Variants in GRB10 observed in about 807,000 individuals in gnomAD.
GRB10 encodes growth factor receptor bound protein 10, also known as growth factor receptor-bound protein 10.
GRB10 carries 20 observed loss-of-function variants against 80.9 expected under a neutral mutation model. The ratio of observed to expected loss-of-function variants is 0.25; its 90% CI spans 0.17 to 0.36. The LOEUF (loss-of-function observed/expected upper bound fraction) is 0.36. Ranked by LOEUF, GRB10 falls within the 10% of genes least tolerant of loss-of-function variation. The pLI, the probability that GRB10 is intolerant of heterozygous loss-of-function variation, is 1.00. For missense variants in GRB10, 548 were observed against 747.7 expected (o/e 0.73, Z 3.12); for synonymous variants, 291 against 291.5 (o/e 1.00, Z 0.02).
At chr7:50,604,208 G>A in intron 16 of GRB10, 103 bp downstream of exon 16, 1 of 1,279,660 alleles carries the variant, frequency 7.8e-7, no homozygotes. Context: ...CTTGTGTGGT[G>A]CACTCTGGCC....
At chr7:50,705,433 C>T (rs906905641) in intron 4 of GRB10, 6 of 334,998 alleles carry the variant, frequency 1.8e-5, no homozygotes, top group African/African-American at 4.5e-5. Context: ...ATTTTTTAAT[C>T]GCAGATGTAA....
At chr7:50,695,761 A>G (rs1586997258) in intron 5 of GRB10, among the ~76,000 whole-genome samples, 3 of 152,252 alleles carry the variant, frequency 2.0e-5, no homozygotes, top group Admixed American at 2.0e-4. Flanking sequence ...AAGTTCTGTC[A>G]TTGTATTTTT....
chr7:50,695,837 C>T lies in GRB10; in HGVS notation c.139+7984G>A, dbSNP rs1286137017. ...ATTATGAAAAATTGTTACATTTGTTCAAAATTTTTAAATGCACAATATTAC... is the reference window on the plus strand; with the variant it reads ...ATTATGAAAAATTGTTACATTTGTTTAAAATTTTTAAATGCACAATATTAC... On this transcript the variant is annotated intron_variant, in intron 5 of 18. Transcript: ENST00000401949. Among the ~76,000 whole-genome samples, 7 of 151,872 alleles carry T rather than the reference C, an allele frequency of 4.6e-5. No homozygotes were observed. The East Asian group carries it at 1.2e-3, about 25-fold the overall frequency.
intron 9 of GRB10, among the ~76,000 whole-genome samples, chr7:50,618,374 T>C (rs2051029322): frequency 6.6e-6 from 1 of 152,248 alleles, no homozygotes; most frequent in African/African-American, 2.4e-5. Flanking sequence ...CTATGTTTAC[T>C]AAGGGATTCA....
intron 7 of GRB10, among the ~76,000 whole-genome samples, chr7:50,648,211 T>C (rs1019227025): frequency 5.9e-5 from 9 of 151,912 alleles, no homozygotes; most frequent in Admixed American, 1.3e-4. Context: ...AGAAGGAAAG[T>C]CCAGCAAAGA....
chr7:50,605,487 G>T, intron 14 of GRB10, 81 bp from the exon 15 acceptor site: 2 of 1,134,030 alleles, frequency 1.8e-6, no homozygotes, highest in Non-Finnish European at 1.3e-6. Flanking sequence ...TCATCAAGAC[G>T]GTCAGGAAAG....
rs770472170 is a variant in GRB10, at chr7:50,732,263, C to T, written c.51+9G>A. 1.9e-5 allele frequency: 31 copies of T among 1,613,588 alleles called. No homozygotes were observed. Among genetic ancestry groups the T allele is most frequent in the Non-Finnish European group, 2.5e-5 (29 of 1,179,554 alleles). On this transcript the variant is annotated intron_variant, in intron 4 of 18. Transcript: ENST00000401949. Reference sequence around the variant, plus strand: ...CGGGCCAGGATCAGATATATGTGCTCGCCCATACCTGGTAGTACGGATGGT... The same window carrying T: ...CGGGCCAGGATCAGATATATGTGCTTGCCCATACCTGGTAGTACGGATGGT...
chr7:50,596,625 G>A (rs1420900887), intron 17 of GRB10, among the ~76,000 whole-genome samples: 1 of 152,222 alleles, frequency 6.6e-6, no homozygotes, highest in Non-Finnish European at 1.5e-5. Context: ...ATAAGGTACT[G>A]TGGTTATAGA....
chr7:50,702,652 A>G (rs534303253), intron 5 of GRB10, among the ~76,000 whole-genome samples: 1 of 152,314 alleles, frequency 6.6e-6, no homozygotes, highest in South Asian at 2.1e-4. Context: ...TCCAAGACTC[A>G]GTTTCAACTG....
At position 50,651,858 on chromosome 7, in the gene GRB10, G is replaced by A. The variant is rs540703637; in HGVS notation, c.504+17864C>T. Among the ~76,000 whole-genome samples the A allele has an allele frequency of 2.0e-5, 3 of 152,330 alleles. No individual in the cohort carries two copies. In the East Asian group the frequency reaches 5.8e-4, roughly 29 times the overall value. ...ACATCAAAGCCACTCTTTTGAAGAA[G>A]GTAATCTGTCAGCATTGAAAGACCA... On this transcript the variant is annotated intron_variant, in intron 7 of 18. Coordinates refer to ENST00000401949, the MANE Select transcript of GRB10 (RefSeq NM_001350814.2).
At chr7:50,711,145 T>C (rs1381395260) in intron 4 of GRB10, among the ~76,000 whole-genome samples, 1 of 147,218 alleles carries the variant, frequency 6.8e-6, no homozygotes, top group Non-Finnish European at 1.5e-5. Flanking sequence ...ACTTTAAACA[T>C]TACAGGTATG....
chr7:50,665,838 C>T (rs138363834), intron 7 of GRB10, among the ~76,000 whole-genome samples: 133 of 152,284 alleles, frequency 8.7e-4, no homozygotes, highest in Middle Eastern at 3.4e-3. Flanking sequence ...CGTGGATCTC[C>T]GATCAGAAGT....
chr7:50,769,928 T>G (rs2076807392), intron 2 of GRB10, among the ~76,000 whole-genome samples: 1 of 152,228 alleles, frequency 6.6e-6, no homozygotes, highest in African/African-American at 2.4e-5. Context: ...ACCTTCAGTC[T>G]TCCCCCCAGT....
intron 5 of GRB10, among the ~76,000 whole-genome samples, chr7:50,684,332 A>ATTTT (rs11370738): frequency 1.4e-5 from 2 of 142,114 alleles, no homozygotes; most frequent in Admixed American, 7.2e-5. Flanking sequence ...TTCCAGTGAG[A>ATTTT]TTTTTTTTTT....
chr7:50,612,582 T>C (rs2049753175), intron 13 of GRB10, among the ~76,000 whole-genome samples, 159 bp downstream of exon 13: 1 of 152,224 alleles, frequency 6.6e-6, no homozygotes, highest in East Asian at 1.9e-4. Flanking sequence ...TCCTGAGATC[T>C]TGTTTAGAAA....
rs777553621 is a variant in GRB10, at chr7:50,775,161, C to CAAAAAAAAAAAAAAAAAAAAAAA, written c.-217+5465_-217+5466insTTTTTTTTTTTTTTTTTTTTTTT. Among the ~76,000 whole-genome samples, 79 of 30,984 alleles carry CAAAAAAAAAAAAAAAAAAAAAAA rather than the reference C, an allele frequency of 2.5e-3. 15 individuals are homozygous for CAAAAAAAAAAAAAAAAAAAAAAA. Among genetic ancestry groups the CAAAAAAAAAAAAAAAAAAAAAAA allele is most frequent in the Non-Finnish European group, 4.2e-3 (65 of 15,426 alleles). The allele number at this position is 30,984 out of a possible 152,430, so 20.3% of individuals were successfully genotyped here. On this transcript the variant is annotated intron_variant, in intron 2 of 18. Transcript: ENST00000401949. Reference sequence around the variant, plus strand: ...GAATGACACAGTGAGATCCTGTCTCCAAAAAAAAAAAACAAAAAAAAACAG... The same window carrying CAAAAAAAAAAAAAAAAAAAAAAA: ...GAATGACACAGTGAGATCCTGTCTCCAAAAAAAAAAAAAAAAAAAAAAAAAAAAAAAAAAACAAAAAAAAACAG...
intron 4 of GRB10, among the ~76,000 whole-genome samples, chr7:50,718,511 CACTG>C (rs1388271077): frequency 1.3e-5 from 2 of 152,132 alleles, no homozygotes; most frequent in Admixed American, 6.5e-5. Flanking sequence ...TTCCTGAGCA[CACTG>C]ACTGAGATCA....
chr7:50,663,872 G>A (rs952331631), intron 7 of GRB10, among the ~76,000 whole-genome samples: 1 of 152,212 alleles, frequency 6.6e-6, no homozygotes, highest in Non-Finnish European at 1.5e-5. Flanking sequence ...CACCTCGCAG[G>A]ATGCCACAGC....
intron 5 of GRB10, among the ~76,000 whole-genome samples, chr7:50,700,057 C>G (rs768600943): frequency 6.6e-6 from 1 of 151,758 alleles, no homozygotes; most frequent in Non-Finnish European, 1.5e-5. Flanking sequence ...GAGAATGGCA[C>G]GAACCCAGGT....
Sources: gnomAD v4.1 joint callset for allele counts (sites outside exome capture counted in the v4.1 genomes callset) on GRCh38, gnomAD v4.1.1 for gene constraint, MANE v1.5 for transcripts, NCBI Gene and HGNC (gene_info 2026-07-23, HGNC 2026-07-21) for gene names.